RHOF: variants seen among roughly 807,000 people sequenced by gnomAD.
RHOF encodes the protein ras homolog family member F, filopodia associated, also known as rho-related GTP-binding protein RhoF.
Under a neutral mutation model 22.2 loss-of-function variants are expected in RHOF, and 21 were observed. That is an observed-to-expected ratio of 0.95 (90% CI 0.67 to 1.36). RHOF has a LOEUF of 1.36. RHOF is among the 40% of genes most tolerant of loss of function. RHOF has a pLI of 0.00. For missense variants in RHOF, 285 were observed against 293.7 expected (o/e 0.97, Z 0.22); for synonymous variants, 135 against 131.2 (o/e 1.03, Z -0.20).
Position 121,779,613 on chromosome 12 carries a change from G to C in RHOF, c.521C>G (p.Ser174Cys). The stretch of plus-strand genomic sequence containing the variant: ...CTCCACATTCTCCCGAAACTTGGCG[G>C]AACATTCCAGGTAGAGAGCAGCTCG... ...QIRAALYLEC[S>C]AKFRENVEDV... is the part of the protein sequence containing the mutation. The change falls in exon 5 of 5, where the codon TCC becomes TGC. Residue 174 changes from serine (S) to cysteine (C), a missense_variant. Ser to Cys is a moderately radical substitution (Grantham distance 112, BLOSUM62 -1). Coordinates refer to ENST00000267205, the MANE Select transcript of RHOF (RefSeq NM_019034.3). 6.2e-7 allele frequency: 1 copy of C among 1,614,206 alleles called. No individual in the cohort carries two copies. Among genetic ancestry groups the C allele is most frequent in the Non-Finnish European group, 8.5e-7 (1 of 1,180,032 alleles).
At chr12:121,792,401 C>G (rs1436587052) in intron 2 of RHOF, among the ~76,000 whole-genome samples, 3 of 152,238 alleles carry the variant, frequency 2.0e-5, no homozygotes, top group Non-Finnish European at 2.9e-5. Context: ...CCCCACCCCT[C>G]ACAACACCGA....
rs1323062986 is a variant in RHOF, at chr12:121,778,374, C to G, written c.*1124G>C. On this transcript the variant is annotated 3_prime_UTR_variant, in exon 5 of 5. Transcript: ENST00000267205. Reference sequence around the variant, plus strand: ...GCTGAGGCAAGAGAATCGCTTGAACCCAGGAGGTGGAGCTTGCAGTGAGCC... The same window carrying G: ...GCTGAGGCAAGAGAATCGCTTGAACGCAGGAGGTGGAGCTTGCAGTGAGCC... 1 of 150,906 alleles carries G rather than the reference C, an allele frequency of 6.6e-6. No homozygotes were observed. The highest frequency in any genetic ancestry group is 6.6e-5 in the Admixed American group (1 of 15,092). 9.3% of individuals were successfully genotyped at this position (150,906 alleles called of 1,614,324 possible).
chr12:121,780,002 T>C (rs1477179658), intron 4 of RHOF: 1 of 243,446 alleles, frequency 4.1e-6, no homozygotes, highest in Non-Finnish European at 8.1e-6. Context: ...AGAAAGGACT[T>C]CCAGCCACCT....
chr12:121,780,596 G>A, intron 4 of RHOF: 1 of 539,288 alleles, frequency 1.9e-6, no homozygotes, highest in South Asian at 2.8e-5. Flanking sequence ...TAGCTGTGTG[G>A]CCCTGGGCAA....
At chr12:121,781,218 AG>A (rs1482770563) in intron 2 of RHOF, 26 bp from the exon 3 acceptor site, 3 of 1,604,968 alleles carry the variant, frequency 1.9e-6, no homozygotes, top group Admixed American at 1.7e-5. Flanking sequence ...AGCGGGGGTC[AG>A]GGGACGTCCC....
intron 2 of RHOF, among the ~76,000 whole-genome samples, chr12:121,786,283 T>C (rs1192887543): frequency 6.6e-6 from 1 of 151,492 alleles, no homozygotes; most frequent in African/African-American, 2.4e-5. Context: ...CTCAAACTCC[T>C]GACCTGAGAT....
rs151094972 is a variant in RHOF, at chr12:121,788,908, A to G, written c.226+4244T>C. ...GCATGGTGGGTGGTCAGAACCCCAG[A>G]ATCTTTGGACCCAGAAGCTTCAGGG... On this transcript the variant is annotated intron_variant, in intron 2 of 4. Transcript: ENST00000267205. 2.4e-3 allele frequency among the ~76,000 whole-genome samples: 365 copies of G among 152,204 alleles called. 5 individuals are homozygous for G. Among genetic ancestry groups the G allele is most frequent in the African/African-American group, 8.5e-3 (355 of 41,526 alleles).
At chr12:121,788,797 AG>A (rs1290974056) in intron 2 of RHOF, among the ~76,000 whole-genome samples, 1 of 151,988 alleles carries the variant, frequency 6.6e-6, no homozygotes, top group Non-Finnish European at 1.5e-5. Flanking sequence ...GTGCAGGGGC[AG>A]GGGTGGAGTG....
intron 2 of RHOF, among the ~76,000 whole-genome samples, chr12:121,788,618 T>TGGGC (rs774369276): frequency 1.1e-4 from 16 of 152,348 alleles, no homozygotes; most frequent in Middle Eastern, 3.4e-3. Context: ...ATGCACATTC[T>TGGGC]GGGCAGGACT....
At position 121,778,450 on chromosome 12, in the gene RHOF, C is replaced by CA. The variant is rs35474958; in HGVS notation, c.*1047dup. The CA allele has an allele frequency of 0.016, 1,466 of 90,742 alleles. 12 individuals carry two copies. The highest frequency in any genetic ancestry group is 0.027 in the Admixed American group (224 of 8,226). The allele number at this position is 90,742 out of a possible 1,614,324, so 5.6% of individuals were successfully genotyped here. On this transcript the variant is annotated 3_prime_UTR_variant, in exon 5 of 5. Transcript: ENST00000267205. ...TGAGTGACAGAATGAGACTCTGTCC[C>CA]AAAAAAAAAAAAAAAAAAAAATTCC... is the stretch of plus-strand genomic sequence containing the variant.
intron 2 of RHOF, chr12:121,781,420 G>A (rs913282144): frequency 2.4e-5 from 12 of 505,100 alleles, no homozygotes; most frequent in South Asian, 1.4e-4. Flanking sequence ...ACAGTGAGCC[G>A]TGATCATGCC....
chr12:121,793,667 C>CACTAGCGGCGGCGCGCT lies in RHOF; in HGVS notation c.-35_-34insAGCGCGCCGCCGCTAGT. 6 of 1,502,882 alleles carry CACTAGCGGCGGCGCGCT rather than the reference C, an allele frequency of 4.0e-6. No homozygotes were observed. The highest frequency in any genetic ancestry group is 5.3e-6 in the Non-Finnish European group (6 of 1,133,040). The allele number at this position is 1,502,882 out of a possible 1,614,324, so 93.1% of individuals were successfully genotyped here. ...GCCCGCAGCACTGGCGGCGGCGCGC[C>CACTAGCGGCGGCGCGCT]GGGCACTAGCGGAGCCAAGAGGTCG... On this transcript the variant is annotated 5_prime_UTR_variant, in exon 1 of 5. Transcript: ENST00000267205.
Position 121,781,083 on chromosome 12 carries a change from C to T in RHOF, c.336G>A (p.Lys112=). Residue 112 remains lysine (K), a splice_region_variant and synonymous_variant, in exon 3 of 5, where the codon AAG becomes AAA. Coordinates refer to ENST00000267205, the MANE Select transcript of RHOF (RefSeq NM_019034.3). ...NPTSYDNVLI[K]WFPEVTHFCR... Reference sequence around the variant, plus strand: ...CCACCACCCAGGAGGCCGGCCTCACCTTGATGAGGACGTTGTCGTAGCTGG... The same window carrying T: ...CCACCACCCAGGAGGCCGGCCTCACTTTGATGAGGACGTTGTCGTAGCTGG... The T allele has an allele frequency of 6.2e-7, 1 of 1,614,178 alleles. No homozygotes were observed. Among genetic ancestry groups the T allele is most frequent in the Non-Finnish European group, 8.5e-7 (1 of 1,180,012 alleles).
chr12:121,789,524 G>C (rs1874708170), intron 2 of RHOF, among the ~76,000 whole-genome samples: 2 of 152,188 alleles, frequency 1.3e-5, no homozygotes, highest in Non-Finnish European at 2.9e-5. Context: ...ACACAGGGCG[G>C]GTGGACCCCA....
At chr12:121,780,795 C>T (rs1242075703) in intron 4 of RHOF, 77 bp downstream of exon 4, 3 of 1,503,402 alleles carry the variant, frequency 2.0e-6, no homozygotes, top group Non-Finnish European at 2.7e-6. Flanking sequence ...GCCACTAAGG[C>T]ACCCCAGTTG....
Position 121,779,566 on chromosome 12 carries a change from T to C in RHOF, c.568A>G (p.Lys190Glu), listed in dbSNP as rs1874367431. 4 of 1,614,012 alleles carry C rather than the reference T, an allele frequency of 2.5e-6. No individual in the cohort carries two copies. The highest frequency in any genetic ancestry group is 2.2e-5 in the East Asian group (1 of 44,896). Residue 190 changes from lysine to glutamate, a missense_variant, in exon 5 of 5, where the codon AAG (lysine) becomes GAG (glutamate). Coordinates refer to ENST00000267205, the MANE Select transcript of RHOF (RefSeq NM_019034.3). ...TTCTTCAGAGCGCTGAGAGCCACCT[T>C]GGCGGCCTCCCGGAAGACGTCCTCC... The part of the protein sequence containing the change: ...NVEDVFREAA[K>E]VALSALKKAQ...
At chr12:121,787,130 T>C (rs919543390) in intron 2 of RHOF, among the ~76,000 whole-genome samples, 6 of 152,174 alleles carry the variant, frequency 3.9e-5, no homozygotes, top group Non-Finnish European at 7.3e-5. Context: ...CTCTGTGCTG[T>C]TCACTGTTGG....
Position 121,780,800 on chromosome 12 carries a change from C to T in RHOF, c.471+72G>A, listed in dbSNP as rs763518586. 6 of 1,521,358 alleles carry T rather than the reference C, an allele frequency of 3.9e-6. No individual in the cohort carries two copies. The South Asian group carries it at 6.3e-5, about 16-fold the overall frequency. 94.2% of individuals were successfully genotyped at this position (1,521,358 alleles called of 1,614,324 possible). On this transcript the variant is annotated intron_variant, in intron 4 of 4. Coordinates refer to ENST00000267205, the MANE Select transcript of RHOF (RefSeq NM_019034.3). ...TCCCTGAAAGGCCACTAAGGCACCC[C>T]AGTTGCAGAGGCCAAAGGTCCGGGA...
intron 2 of RHOF, among the ~76,000 whole-genome samples, chr12:121,784,608 A>G (rs368119299): frequency 3.3e-5 from 5 of 152,256 alleles, no homozygotes; most frequent in African/African-American, 1.2e-4. Context: ...GAAATGATGA[A>G]TACTCCCACA....
Sources: gnomAD v4.1 joint callset for allele counts (sites outside exome capture counted in the v4.1 genomes callset) on GRCh38, gnomAD v4.1.1 for gene constraint, MANE v1.5 for transcripts, NCBI Gene and HGNC (gene_info 2026-07-23, HGNC 2026-07-21) for gene names.